The following SAMD4A variants were observed in gnomAD, a reference collection of about 807,000 sequenced individuals.
SAMD4A encodes protein Smaug homolog 1.
In SAMD4A, 33 loss-of-function variants were observed where a neutral mutation model predicts 81.3. The ratio of observed to expected loss-of-function variants is 0.41; its 90% CI spans 0.31 to 0.54. The LOEUF (loss-of-function observed/expected upper bound fraction) is 0.54, where lower values mean the gene tolerates loss of function less well. Ranked by LOEUF, SAMD4A falls within the 20% of genes least tolerant of loss-of-function variation. The probability of loss-of-function intolerance (pLI) is 0.37; values close to 1 mark genes in which losing one functional copy is unlikely to be tolerated. For missense variants in SAMD4A, 854 were observed against 951.1 expected (o/e 0.90, Z 1.34); for synonymous variants, 389 against 382.1 (o/e 1.02, Z -0.21).
rs538376348 is a variant in SAMD4A, at chr14:54,676,494, A to G, written c.197-25568A>G. ...CAAGTTCAAGCGATTCTCCTGCCTCAGTCTCCTGAGTAGCTGGGGCTACAG... is the reference window on the plus strand; with the variant it reads ...CAAGTTCAAGCGATTCTCCTGCCTCGGTCTCCTGAGTAGCTGGGGCTACAG... On this transcript the variant is annotated intron_variant, in intron 2 of 12. Transcript: ENST00000554335. Among the ~76,000 whole-genome samples, 67 of 152,192 alleles carry G rather than the reference A, an allele frequency of 4.4e-4. 5 individuals carry two copies. In the South Asian group the frequency reaches 0.014, roughly 32 times the overall value.
chr14:54,642,365 G>A (rs1334890186), intron 2 of SAMD4A, among the ~76,000 whole-genome samples: 1 of 152,184 alleles, frequency 6.6e-6, no homozygotes, highest in African/African-American at 2.4e-5. Flanking sequence ...GTATACTCTG[G>A]GAATTGGTGG....
rs34927267 is a variant in SAMD4A at position 54,673,497 on chromosome 14, A to AGCG, written c.197-28563_197-28561dup. Reference sequence around the variant, plus strand: ...GGTTTTGTGACGGCAGCGTCAGCATAGCGGGCTGCCTGCTGCTTTTAGCAC... The same window carrying AGCG: ...GGTTTTGTGACGGCAGCGTCAGCATAGCGGCGGGCTGCCTGCTGCTTTTAGCAC... On this transcript the variant is annotated intron_variant, in intron 2 of 12. Coordinates refer to ENST00000554335, the MANE Select transcript of SAMD4A (RefSeq NM_015589.6). Among the ~76,000 whole-genome samples the AGCG allele has an allele frequency of 5.1e-3, 772 of 152,374 alleles. 5 individuals are homozygous for AGCG. Among genetic ancestry groups the AGCG allele is most frequent in the African/African-American group, 0.018 (741 of 41,590 alleles).
chr14:54,770,300 G>C (rs2038666460), intron 9 of SAMD4A, 78 bp downstream of exon 9: 2 of 926,200 alleles, frequency 2.2e-6, no homozygotes, highest in Non-Finnish European at 1.7e-6. Flanking sequence ...CCTGGGGCAG[G>C]AATATGGCAG....
At chr14:54,698,828 C>T (rs1162664530) in intron 2 of SAMD4A, among the ~76,000 whole-genome samples, 1 of 152,208 alleles carries the variant, frequency 6.6e-6, no homozygotes, top group Non-Finnish European at 1.5e-5. Context: ...GCTTGTTCCT[C>T]CTCTGAATCC....
intron 3 of SAMD4A, among the ~76,000 whole-genome samples, chr14:54,715,661 A>T (rs778615179): frequency 1.3e-5 from 2 of 152,190 alleles, no homozygotes; most frequent in Non-Finnish European, 2.9e-5. Context: ...ATTACCTATT[A>T]AAAATATATA....
At chr14:54,700,657 C>G (rs2036691624) in intron 2 of SAMD4A, among the ~76,000 whole-genome samples, 1 of 152,176 alleles carries the variant, frequency 6.6e-6, no homozygotes, top group African/African-American at 2.4e-5. Flanking sequence ...GTGTTGAGAT[C>G]TCCAGGTGTC....
At chr14:54,661,734 T>C (rs1594782631) in intron 2 of SAMD4A, among the ~76,000 whole-genome samples, 1 of 152,244 alleles carries the variant, frequency 6.6e-6, no homozygotes, top group East Asian at 1.9e-4. Flanking sequence ...AGTGGGAGCG[T>C]GTGGATGACT....
In SAMD4A at chr14:54,571,783, A is replaced by T. The variant is rs554286006; in HGVS notation, c.196+3671A>T. Among the ~76,000 whole-genome samples the T allele has an allele frequency of 8.5e-5, 13 of 152,338 alleles. 1 individual carries two copies. The South Asian group carries it at 2.7e-3, about 32-fold the overall frequency. On this transcript the variant is annotated intron_variant, in intron 2 of 12. Transcript: ENST00000554335. ...ACACAATTCTAACTTTTTTAAAAAAATTGATAATCCATAGTGTATTGGAGG... is the reference window on the plus strand; with the variant it reads ...ACACAATTCTAACTTTTTTAAAAAATTTGATAATCCATAGTGTATTGGAGG...
At chr14:54,784,863 C>T (rs929580340) in intron 12 of SAMD4A, among the ~76,000 whole-genome samples, 1 of 152,180 alleles carries the variant, frequency 6.6e-6, no homozygotes, top group East Asian at 1.9e-4. Flanking sequence ...AGGGACCTGG[C>T]AATCAAAGCT....
intron 3 of SAMD4A, among the ~76,000 whole-genome samples, chr14:54,722,106 C>T (rs1188958273): frequency 6.6e-6 from 1 of 152,222 alleles, no homozygotes; most frequent in East Asian, 1.9e-4. Flanking sequence ...ATAAGTCTTT[C>T]ATGGCGACTT....
At position 54,791,610 on chromosome 14, in the gene SAMD4A, C is replaced by CAGTGTATAGATTTATCTACTT. The variant is rs1324523896; in HGVS notation, c.*2670_*2690dup. On this transcript the variant is annotated 3_prime_UTR_variant, in exon 13 of 13. Coordinates refer to ENST00000554335, the MANE Select transcript of SAMD4A (RefSeq NM_015589.6). The stretch of plus-strand genomic sequence containing the variant: ...AGAAGAAAAGCTTATTTTTCATTGA[C>CAGTGTATAGATTTATCTACTT]AGTGTATAGATTTATCTACTTAGTT... 29 of 152,010 alleles carry CAGTGTATAGATTTATCTACTT rather than the reference C, an allele frequency of 1.9e-4. No individual in the cohort carries two copies. The highest frequency in any genetic ancestry group is 9.6e-4 in the East Asian group (5 of 5,196). The allele number at this position is 152,010 out of a possible 1,614,324, so 9.4% of individuals were successfully genotyped here.
At chr14:54,648,084 G>A (rs1368816294) in intron 2 of SAMD4A, among the ~76,000 whole-genome samples, 1 of 152,228 alleles carries the variant, frequency 6.6e-6, no homozygotes, top group South Asian at 2.1e-4. Context: ...GCCACATGTG[G>A]ACAGTGGAAG....
At position 54,667,437 on chromosome 14, in the gene SAMD4A, GT is replaced by G. The variant is rs1309037435; in HGVS notation, c.197-34624del. ...CCATGTTTGTAGGTCAAAGTTCCAG[GT>G]ACAGGGAAGGCATTGGCTTTGCTCT... On this transcript the variant is annotated intron_variant, in intron 2 of 12. Coordinates refer to ENST00000554335, the MANE Select transcript of SAMD4A (RefSeq NM_015589.6). 3.9e-5 allele frequency among the ~76,000 whole-genome samples: 6 copies of G among 152,248 alleles called. No homozygotes were observed. The East Asian group carries it at 7.7e-4, about 20-fold the overall frequency.
intron 4 of SAMD4A, among the ~76,000 whole-genome samples, chr14:54,748,405 G>A (rs1004065155): frequency 2.0e-4 from 31 of 152,206 alleles, no homozygotes; most frequent in South Asian, 6.2e-4. Context: ...TTTCCAACTC[G>A]ATGAAGCGGT....
chr14:54,760,840 C>T (rs139594087), intron 7 of SAMD4A, among the ~76,000 whole-genome samples: 2 of 152,178 alleles, frequency 1.3e-5, no homozygotes, highest in African/African-American at 4.8e-5. Flanking sequence ...TGGGAACAAA[C>T]CGTTCACTCA....
At chr14:54,786,053 T>G (rs2039132451) in intron 12 of SAMD4A, among the ~76,000 whole-genome samples, 1 of 152,174 alleles carries the variant, frequency 6.6e-6, no homozygotes, top group African/African-American at 2.4e-5. Context: ...GGAGACTGGG[T>G]CAGCAGCCCC....
chr14:54,592,279 G>A (rs1200279280), intron 2 of SAMD4A, among the ~76,000 whole-genome samples: 1 of 152,056 alleles, frequency 6.6e-6, no homozygotes, highest in Admixed American at 6.6e-5. Context: ...CTCCTTTCCT[G>A]TGGTAAACTT....
chr14:54,754,469 G>T (rs2038187244), intron 6 of SAMD4A, among the ~76,000 whole-genome samples: 1 of 152,174 alleles, frequency 6.6e-6, no homozygotes, highest in African/African-American at 2.4e-5. Context: ...CCTGTATATT[G>T]TCCCTGCGTG....
rs140581581 is a variant in SAMD4A, at chr14:54,722,686, A to T, written c.716-14338A>T. Among the ~76,000 whole-genome samples the T allele has an allele frequency of 3.4e-3, 514 of 152,292 alleles. 1 individual carries two copies. Among genetic ancestry groups the T allele is most frequent in the African/African-American group, 0.012 (503 of 41,558 alleles). ...ACTGATAAAATAGCAAGGGGAGTGG[A>T]TTAGATGATATTCATCTAATCATGT... On this transcript the variant is annotated intron_variant, in intron 3 of 12. Coordinates refer to ENST00000554335, the MANE Select transcript of SAMD4A (RefSeq NM_015589.6).
Sources: gnomAD v4.1 joint callset for allele counts (sites outside exome capture counted in the v4.1 genomes callset) on GRCh38, gnomAD v4.1.1 for gene constraint, MANE v1.5 for transcripts, NCBI Gene and HGNC (gene_info 2026-07-23, HGNC 2026-07-21) for gene names.